Variants in MICAL2 observed in about 807,000 individuals in gnomAD.
MICAL2 encodes the protein [F-actin]-monooxygenase MICAL2.
In MICAL2, 77 loss-of-function variants were observed where a neutral mutation model predicts 127.3. That is an observed-to-expected ratio of 0.60 (90% confidence interval 0.50 to 0.73). The LOEUF (loss-of-function observed/expected upper bound fraction) is 0.73, where lower values mean the gene tolerates loss of function less well. Ranked by LOEUF, MICAL2 falls within the 30% of genes least tolerant of loss-of-function variation. The pLI is 0.00. For synonymous variants in MICAL2, 570 were observed against 551.1 expected (o/e 1.03, Z -0.48); for missense variants, 1,351 against 1,434.4 (o/e 0.94, Z 0.94).
At chr11:12,351,406 A>G (rs769532514) in intron 33 of MICAL2, among the ~76,000 whole-genome samples, 1 of 152,182 alleles carries the variant, frequency 6.6e-6, no homozygotes, top group African/African-American at 2.4e-5. Context: ...GGTGCTACTG[A>G]TATCCAGTGA....
chr11:12,206,213 G>T (rs965748032), intron 4 of MICAL2, among the ~76,000 whole-genome samples: 8 of 152,154 alleles, frequency 5.3e-5, no homozygotes, highest in African/African-American at 1.7e-4. Context: ...TCTCTTGGGG[G>T]GCAGAACTGG....
In MICAL2 at chr11:12,204,156, G is replaced by A. The variant is rs911975720; in HGVS notation, c.265-94G>A. 72 of 1,218,428 alleles carry A rather than the reference G, an allele frequency of 5.9e-5. No homozygotes were observed. The South Asian group carries it at 9.5e-4, about 16-fold the overall frequency. 75.5% of individuals were successfully genotyped at this position (1,218,428 alleles called of 1,614,324 possible). On this transcript the variant is annotated intron_variant, in intron 3 of 27. Coordinates refer to ENST00000683283, the MANE Select transcript of MICAL2 (RefSeq NM_001282663.2). The stretch of plus-strand genomic sequence containing the variant: ...GCACTTGCTGGTTGGTTCAGGAAGA[G>A]TGGGATTTGCGCTTCAGTTTTCCTG...
intron 32 of MICAL2, among the ~76,000 whole-genome samples, chr11:12,345,270 A>G (rs895333469): frequency 2.0e-5 from 3 of 152,218 alleles, no homozygotes; most frequent in African/African-American, 4.8e-5. Context: ...TGTAGTGCCA[A>G]TGAACATGAC....
chr11:12,204,406 G>A lies in MICAL2; in HGVS notation c.421G>A (p.Gly141Arg). The change falls in exon 4 of 28, where the codon GGA becomes AGA. Residue 141 changes from glycine (G) to arginine (R), a missense_variant. By Grantham distance (125) the Gly-to-Arg change is moderately radical. This residue lies in a region of MICAL2 where 599 missense variants were observed against 714.9 expected (regional missense o/e 0.84). Coordinates refer to ENST00000683283, the MANE Select transcript of MICAL2 (RefSeq NM_001282663.2). Reference protein sequence around the residue: ...PFTIHDLRGLGAKKFYGKFCA... With the variant: ...PFTIHDLRGLRAKKFYGKFCA... The stretch of plus-strand genomic sequence containing the variant: ...CACCATCCATGACCTTCGTGGCCTG[G>A]GAGCCAAGAAGTTCTATGGGAAGTT... 1 of 1,614,150 alleles carries A rather than the reference G, an allele frequency of 6.2e-7. No individual in the cohort carries two copies. Among genetic ancestry groups the A allele is most frequent in the Non-Finnish European group, 8.5e-7 (1 of 1,180,034 alleles).
chr11:12,306,524 C>T (rs1331481131), intron 29 of MICAL2, among the ~76,000 whole-genome samples: 3 of 152,060 alleles, frequency 2.0e-5, no homozygotes, highest in African/African-American at 7.2e-5. Context: ...TGTGTTTTTA[C>T]AATTGTATAT....
intron 32 of MICAL2, among the ~76,000 whole-genome samples, chr11:12,332,988 A>G (rs1344686768): frequency 6.6e-6 from 1 of 152,136 alleles, no homozygotes; most frequent in Non-Finnish European, 1.5e-5. Flanking sequence ...CTTGCTGTAT[A>G]TTCACCTCTG....
chr11:12,228,507 C>T (rs568923128), intron 15 of MICAL2, among the ~76,000 whole-genome samples: 14 of 152,254 alleles, frequency 9.2e-5, no homozygotes, highest in African/African-American at 3.1e-4. Flanking sequence ...TAATGTGAGC[C>T]TTGACCTTGG....
At chr11:12,323,925 A>G in intron 30 of MICAL2, 1 of 1,566,848 alleles carries the variant, frequency 6.4e-7, no homozygotes, top group Non-Finnish European at 8.6e-7. Flanking sequence ...TATTTTGTAA[A>G]TTTCAACCCC....
chr11:12,113,611 T>C (rs897856238), intron 1 of MICAL2, among the ~76,000 whole-genome samples: 4 of 152,268 alleles, frequency 2.6e-5, no homozygotes, highest in Admixed American at 2.0e-4. Context: ...GAAAATATTA[T>C]AGTATTTTGA....
chr11:12,191,465 A>G (rs1359473522), intron 3 of MICAL2, among the ~76,000 whole-genome samples: 7 of 80,504 alleles, frequency 8.7e-5, no homozygotes, highest in South Asian at 5.1e-4. Flanking sequence ...GAGCAAGACT[A>G]TGTCTCAAAA....
intron 1 of MICAL2, among the ~76,000 whole-genome samples, chr11:12,127,984 C>G (rs2013486): frequency 6.6e-6 from 1 of 152,114 alleles, no homozygotes; most frequent in Admixed American, 6.5e-5. Context: ...AATACTTAGA[C>G]TAGCACCTGA....
At chr11:12,251,186 T>A (rs796141029) in intron 22 of MICAL2, among the ~76,000 whole-genome samples, 20 of 151,324 alleles carry the variant, frequency 1.3e-4, no homozygotes, top group African/African-American at 4.6e-4. Context: ...ATGGATTAAA[T>A]GTTTAAAAAG....
At chr11:12,277,930 T>C (rs893151868) in intron 1 of MICAL2, among the ~76,000 whole-genome samples, 3 of 152,194 alleles carry the variant, frequency 2.0e-5, no homozygotes, top group African/African-American at 7.2e-5. Flanking sequence ...CTATCAGCAA[T>C]TGTAACACAA....
At chr11:12,116,639 T>G (rs1282409624) in intron 1 of MICAL2, 1 of 152,256 alleles carries the variant, frequency 6.6e-6, no homozygotes, top group Non-Finnish European at 1.5e-5. Flanking sequence ...ATCGATCACG[T>G]GGCCTCAGAA....
At chr11:12,327,243 A>G (rs1864363707) in exon 32 of MICAL2, 3 of 1,550,806 alleles carry the variant, frequency 1.9e-6, no homozygotes, top group Admixed American at 2.0e-5. Context: ...GTGAGGCTGG[A>G]GAAGGCGTTG....
At chr11:12,359,588 T>C (rs1157192762), downstream of MICAL2, among the ~76,000 whole-genome samples, 1 of 152,180 alleles carries the variant, frequency 6.6e-6, no homozygotes, top group African/African-American at 2.4e-5. Flanking sequence ...AACTGGGTCA[T>C]GAATTTTTTT....
At chr11:12,247,925 G>A (rs1199138738) in intron 21 of MICAL2, among the ~76,000 whole-genome samples, 1 of 152,176 alleles carries the variant, frequency 6.6e-6, no homozygotes, top group Non-Finnish European at 1.5e-5. Context: ...GGAGCAAGAG[G>A]AAGAAAAATG....
At chr11:12,131,849 G>A (rs1044599786) in intron 1 of MICAL2, among the ~76,000 whole-genome samples, 5 of 152,154 alleles carry the variant, frequency 3.3e-5, no homozygotes, top group Non-Finnish European at 5.9e-5. Flanking sequence ...CTACTCAGAG[G>A]GAAGTTGTAA....
In MICAL2 at chr11:12,245,456, C is replaced by T. The variant is rs529514360; in HGVS notation, c.2784+1344C>T. On this transcript the variant is annotated intron_variant, in intron 21 of 27. Coordinates refer to ENST00000683283, the MANE Select transcript of MICAL2 (RefSeq NM_001282663.2). ...TTGGCCTCCACCTCTGTGAGGAGAA[C>T]GGTGTAGGTAGAGTCCCTAAGAAAG... Among the ~76,000 whole-genome samples the T allele has an allele frequency of 5.3e-5, 8 of 152,306 alleles. No individual in the cohort carries two copies. The South Asian group carries it at 6.2e-4, about 12-fold the overall frequency.
Sources: gnomAD v4.1 joint callset for allele counts (sites outside exome capture counted in the v4.1 genomes callset) on GRCh38, gnomAD v4.1.1 for gene constraint, gnomAD v4.1.1 regional missense constraint, MANE v1.5 for transcripts, NCBI Gene and HGNC (gene_info 2026-07-23, HGNC 2026-07-21) for gene names.